EPRS1: variants seen among roughly 807,000 people sequenced by gnomAD.
EPRS1 encodes bifunctional glutamate/proline--tRNA ligase.
Under a neutral mutation model 188.3 loss-of-function variants are expected in EPRS1, and 107 were observed. That is an observed-to-expected ratio of 0.57 (90% confidence interval 0.49 to 0.67). EPRS1 has a LOEUF of 0.67. Ranked by LOEUF, EPRS1 falls within the 30% of genes least tolerant of loss-of-function variation. The pLI, the probability that EPRS1 is intolerant of heterozygous loss-of-function variation, is 0.00. For synonymous variants in EPRS1, 596 were observed against 593.1 expected, an observed-to-expected ratio of 1.00 and a Z score of -0.07; for missense variants, 1,577 against 1,802.2, an observed-to-expected ratio of 0.88 and a Z score of 2.26.
chr1:220,033,923 G>T (rs1327316066), intron 3 of EPRS1, among the ~76,000 whole-genome samples: 1 of 148,316 alleles, frequency 6.7e-6, no homozygotes, highest in East Asian at 2.0e-4. Context: ...CTTCAGGAAA[G>T]AACAGGAAAA....
chr1:220,012,979 C>G (rs1661636077), intron 12 of EPRS1, among the ~76,000 whole-genome samples: 1 of 152,164 alleles, frequency 6.6e-6, no homozygotes, highest in Non-Finnish European at 1.5e-5. Context: ...TCTCTACATA[C>G]TTTATTAGCT....
chr1:220,033,752 G>A, intron 3 of EPRS1, 94 bp from the exon 4 acceptor site: 1 of 811,012 alleles, frequency 1.2e-6, no homozygotes, highest in Non-Finnish European at 2.1e-6. Flanking sequence ...TAGAGCAACA[G>A]TACACTCTTA....
In EPRS1 at chr1:219,988,577, A is replaced by G. The variant is rs1661056800; in HGVS notation, c.2775+13T>C. 7 of 1,567,478 alleles carry G rather than the reference A, an allele frequency of 4.5e-6. No individual in the cohort carries two copies. The highest frequency in any genetic ancestry group is 3.4e-5 in the Admixed American group (2 of 59,284). ...TAAAAAACAAAAGCATATAAACAAA[A>G]TAACACACTAACCTTAGGGGCTTTT... is the stretch of plus-strand genomic sequence containing the variant. On this transcript the variant is annotated intron_variant, in intron 19 of 31. Transcript: ENST00000366923.
chr1:220,002,528 T>TA (rs1191527294), intron 16 of EPRS1, among the ~76,000 whole-genome samples: 2 of 152,102 alleles, frequency 1.3e-5, no homozygotes, highest in Non-Finnish European at 2.9e-5. Flanking sequence ...CTAATCTGCT[T>TA]ATAAGCAGAA....
At chr1:219,971,925 A>G in intron 30 of EPRS1, 144 bp downstream of exon 30, 5 of 356,472 alleles carry the variant, frequency 1.4e-5, no homozygotes. Flanking sequence ...ATATATTTAT[A>G]CGTACATATA....
rs542576870 is a variant in EPRS1, at chr1:219,997,011, C to T, written c.2513G>A (p.Arg838His). Residue 838 changes from arginine to histidine, a missense_variant, in exon 18 of 32, where the codon CGT (arginine) becomes CAT (histidine). Transcript: ENST00000366923. ...DEVAAQGEVV[R>H]KLKAEKSPKA... ...AGGGGATTTTTCAGCTTTTAGCTTA[C>T]GAACCACCTCCCCTTGTGCAGCAAC... is the stretch of plus-strand genomic sequence containing the variant. The T allele has an allele frequency of 1.0e-4, 162 of 1,605,804 alleles. 1 individual carries two copies. Among genetic ancestry groups the T allele is most frequent in the South Asian group, 7.0e-4 (63 of 89,682 alleles).
chr1:220,011,592 T>C (rs1216530397), intron 12 of EPRS1, among the ~76,000 whole-genome samples: 2 of 152,246 alleles, frequency 1.3e-5, no homozygotes, highest in Non-Finnish European at 2.9e-5. Flanking sequence ...TCTACTGGTT[T>C]ACATGCTATA....
chr1:220,025,502 G>C (rs1229327225), intron 6 of EPRS1, among the ~76,000 whole-genome samples: 1 of 151,668 alleles, frequency 6.6e-6, no homozygotes, highest in Non-Finnish European at 1.5e-5. Flanking sequence ...TCACAGAGGG[G>C]ACAAGGTATT....
chr1:219,986,445 A>G (rs1661007648), intron 20 of EPRS1, among the ~76,000 whole-genome samples: 1 of 152,182 alleles, frequency 6.6e-6, no homozygotes, highest in African/African-American at 2.4e-5. Context: ...TGCGATGCCA[A>G]TATCAAGTGC....
intron 9 of EPRS1, among the ~76,000 whole-genome samples, chr1:220,020,959 T>C (rs1049223389): frequency 6.6e-6 from 1 of 150,784 alleles, no homozygotes; most frequent in African/African-American, 2.4e-5. Flanking sequence ...CTCAGCTCAG[T>C]GCAACCTCCG....
intron 1 of EPRS1, among the ~76,000 whole-genome samples, chr1:220,043,143 A>G (rs1369950191): frequency 6.6e-6 from 1 of 152,110 alleles, no homozygotes; most frequent in African/African-American, 2.4e-5. Context: ...GAATGACTGC[A>G]AAGGGGCGTG....
At chr1:220,006,688 G>A (rs1234190523) in intron 14 of EPRS1, among the ~76,000 whole-genome samples, 1 of 152,134 alleles carries the variant, frequency 6.6e-6, no homozygotes, top group Admixed American at 6.6e-5. Flanking sequence ...GCAATCATAT[G>A]TAATAACTAC....
At chr1:219,978,409 A>T in intron 28 of EPRS1, 137 bp downstream of exon 28, 1 of 611,848 alleles carries the variant, frequency 1.6e-6, no homozygotes, top group Non-Finnish European at 2.8e-6. Flanking sequence ...TCAACAGTTT[A>T]AGTGAAGAAG....
chr1:220,041,842 A>G (rs1481911037), intron 1 of EPRS1, among the ~76,000 whole-genome samples: 1 of 152,020 alleles, frequency 6.6e-6, no homozygotes, highest in African/African-American at 2.4e-5. Context: ...TTCTGTCTGA[A>G]AAAAAAGATG....
rs554209692 is a variant in EPRS1 at position 220,002,033 on chromosome 1, G to GAA, written c.2064-780_2064-779dup. On this transcript the variant is annotated intron_variant, in intron 16 of 31. Transcript: ENST00000366923. The stretch of plus-strand genomic sequence containing the variant: ...GACAGAGTGAGATTCTGTCTCCAAA[G>GAA]AAAAAAAAAAAATTGGTCAGCCGTG... 1.8e-3 allele frequency among the ~76,000 whole-genome samples: 239 copies of GAA among 135,488 alleles called. 2 individuals are homozygous for GAA. The highest frequency in any genetic ancestry group is 5.9e-3 in the African/African-American group (217 of 36,526). 88.9% of individuals were successfully genotyped at this position (135,488 alleles called of 152,430 possible).
intron 6 of EPRS1, among the ~76,000 whole-genome samples, chr1:220,026,822 C>T (rs1417826156): frequency 6.6e-6 from 1 of 151,728 alleles, no homozygotes; most frequent in East Asian, 1.9e-4. Context: ...ACCTGGTTTC[C>T]CACACAGGTT....
rs193290385 is a variant in EPRS1 at position 220,039,588 on chromosome 1, G to A, written c.131+597C>T. ...GGCTGGAGTGCAGTGGCGCGTTCTCGGTTTACTGCAACCTCCGCCTCCCAG... is the reference window on the plus strand; with the variant it reads ...GGCTGGAGTGCAGTGGCGCGTTCTCAGTTTACTGCAACCTCCGCCTCCCAG... On this transcript the variant is annotated intron_variant, in intron 2 of 31. Coordinates refer to ENST00000366923, the MANE Select transcript of EPRS1 (RefSeq NM_004446.3). Among the ~76,000 whole-genome samples the A allele has an allele frequency of 4.7e-5, 7 of 150,372 alleles. No homozygotes were observed. The East Asian group carries it at 1.4e-3, about 30-fold the overall frequency.
chr1:219,979,054 A>G (rs931728123), intron 27 of EPRS1, among the ~76,000 whole-genome samples: 1 of 152,134 alleles, frequency 6.6e-6, no homozygotes, highest in East Asian at 1.9e-4. Context: ...AGATTTTGCC[A>G]TGTTGCCCAG....
chr1:220,004,140 G>A (rs11118483), intron 16 of EPRS1, among the ~76,000 whole-genome samples: 26,372 of 151,998 alleles, frequency 0.17, 3,898 homozygotes, highest in East Asian at 0.4. Context: ...CAATCCTGCC[G>A]CCTCACCTGC....
Sources: gnomAD v4.1 joint callset for allele counts (sites outside exome capture counted in the v4.1 genomes callset) on GRCh38, gnomAD v4.1.1 for gene constraint, MANE v1.5 for transcripts, NCBI Gene and HGNC (gene_info 2026-07-23, HGNC 2026-07-21) for gene names.